CHST13: variants seen among roughly 807,000 people sequenced by gnomAD.
CHST13 encodes C4ST-3.
A neutral mutation model predicts 7.0 loss-of-function variants in CHST13; 1 was observed. That is an observed-to-expected ratio of 0.14 (90% confidence interval 0.05 to 0.68). The LOEUF (loss-of-function observed/expected upper bound fraction) is 0.68. Among genes scored for constraint, CHST13 ranks in the 30% least tolerant of loss-of-function variants. The pLI, the probability that CHST13 is intolerant of heterozygous loss-of-function variation, is 0.82. For synonymous variants in CHST13, 257 were observed against 240.9 expected (o/e 1.07, Z -0.62); for missense variants, 572 against 507.9 (o/e 1.13, Z -1.21).
At chr3:126,533,050 T>A (rs1246020297) in intron 1 of CHST13, among the ~76,000 whole-genome samples, 1 of 152,240 alleles carries the variant, frequency 6.6e-6, no homozygotes, top group African/African-American at 2.4e-5. Flanking sequence ...TGCTAGTATA[T>A]AGAATATAAT....
In CHST13 at chr3:126,542,204, G is replaced by C. The variant is rs1936976564; in HGVS notation, c.652G>C (p.Ala218Pro). Residue 218 changes from alanine to proline, a missense_variant, in exon 3 of 3, where the codon GCC (alanine) becomes CCC (proline). Coordinates refer to ENST00000319340, the MANE Select transcript of CHST13 (RefSeq NM_152889.3). ...GCCGCGCGCGCTCCCCGACGCCCGG[G>C]CCCGCGGCCACGACGTGCGCTTCGC... ...LRPRALPDAR[A>P]RGHDVRFAEF... The C allele has an allele frequency of 1.4e-6, 2 of 1,449,406 alleles. No homozygotes were observed. Among genetic ancestry groups the C allele is most frequent in the East Asian group, 2.9e-5 (1 of 34,080 alleles). 89.8% of individuals were successfully genotyped at this position (1,449,406 alleles called of 1,614,324 possible).
In CHST13 at chr3:126,536,307, G is replaced by A; in HGVS notation, c.134G>A (p.Gly45Asp). ...AGAGCCCTGGGCTCCAGCTGGCTTG[G>A]TGGGGAGAAGAGAAGCCCCCTGCAG... is the stretch of plus-strand genomic sequence containing the variant. ...GNRALGSSWL[G>D]GEKRSPLQKL... is the part of the protein sequence containing the mutation. The change falls in exon 2 of 3, where the codon GGT becomes GAT. Residue 45 changes from glycine (G) to aspartate (D), a missense_variant. Physicochemically the swap from Gly to Asp is moderately conservative, Grantham distance 94. Transcript: ENST00000319340. The A allele has an allele frequency of 1.2e-6, 2 of 1,614,086 alleles. No individual in the cohort carries two copies. Among genetic ancestry groups the A allele is most frequent in the South Asian group, 1.1e-5 (1 of 91,058 alleles).
chr3:126,536,048 C>A (rs968765362), intron 1 of CHST13, among the ~76,000 whole-genome samples: 2 of 152,162 alleles, frequency 1.3e-5, no homozygotes, highest in African/African-American at 4.8e-5. Context: ...GAGGGTAGGA[C>A]ATGGGAGCAG....
intron 1 of CHST13, among the ~76,000 whole-genome samples, chr3:126,532,293 A>T (rs1399168625): frequency 4.6e-5 from 7 of 152,212 alleles, no homozygotes; most frequent in East Asian, 3.8e-4. Flanking sequence ...TCTATTTTTT[A>T]AAATTTTGTT....
In CHST13 at chr3:126,524,269, G is replaced by A; in HGVS notation, c.-64G>A. The A allele has an allele frequency of 8.4e-7, 1 of 1,186,316 alleles. No individual in the cohort carries two copies. Among genetic ancestry groups the A allele is most frequent in the Non-Finnish European group, 1.0e-6 (1 of 952,400 alleles). The allele number at this position is 1,186,316 out of a possible 1,614,324, so 73.5% of individuals were successfully genotyped here. A position where few individuals can be genotyped will look rare whatever the true frequency, so the allele number is the denominator to read the frequency against. Reference sequence around the variant, plus strand: ...CTGCGCTGCCGGGGCCGGGTCCTGGGCCAGTGCAACTCCGCCCCCAGCCGT... The same window carrying A: ...CTGCGCTGCCGGGGCCGGGTCCTGGACCAGTGCAACTCCGCCCCCAGCCGT... On this transcript the variant is annotated 5_prime_UTR_variant, in exon 1 of 3. Transcript: ENST00000319340.
At position 126,524,239 on chromosome 3, in the gene CHST13, A is replaced by T. The variant is rs1004359845; in HGVS notation, c.-94A>T. 1.0e-6 allele frequency: 1 copy of T among 969,040 alleles called. No homozygotes were observed. Among genetic ancestry groups the T allele is most frequent in the Non-Finnish European group, 1.3e-6 (1 of 761,278 alleles). 60.0% of individuals were successfully genotyped at this position (969,040 alleles called of 1,614,324 possible). A position where few individuals can be genotyped will look rare whatever the true frequency, so the allele number is the denominator to read the frequency against. On this transcript the variant is annotated 5_prime_UTR_variant, in exon 1 of 3. Coordinates refer to ENST00000319340, the MANE Select transcript of CHST13 (RefSeq NM_152889.3). Reference sequence around the variant, plus strand: ...CCTGCGCCGCGCCGCGCGTCTTGGTAGGCGCTGCGCTGCCGGGGCCGGGTC... The same window carrying T: ...CCTGCGCCGCGCCGCGCGTCTTGGTTGGCGCTGCGCTGCCGGGGCCGGGTC...
At position 126,542,236 on chromosome 3, in the gene CHST13, C is replaced by G; in HGVS notation, c.684C>G (p.Phe228Leu). The stretch of plus-strand genomic sequence containing the variant: ...GCCACGACGTGCGCTTCGCGGAGTT[C>G]CTGGCCTACCTGCTGGACCCGCGCA... ...ARGHDVRFAEFLAYLLDPRTR... is the reference protein window; with the variant it reads ...ARGHDVRFAELLAYLLDPRTR... The change falls in exon 3 of 3, where the codon TTC becomes TTG. Residue 228 changes from phenylalanine to leucine, a missense_variant. By Grantham distance (22) the Phe-to-Leu change is conservative. Coordinates refer to ENST00000319340, the MANE Select transcript of CHST13 (RefSeq NM_152889.3). 1 of 1,524,204 alleles carries G rather than the reference C, an allele frequency of 6.6e-7. No homozygotes were observed. The allele number at this position is 1,524,204 out of a possible 1,614,324, so 94.4% of individuals were successfully genotyped here.
intron 1 of CHST13, chr3:126,527,696 G>A (rs975460659): frequency 4.6e-5 from 7 of 152,348 alleles, no homozygotes; most frequent in Non-Finnish European, 8.8e-5. Flanking sequence ...ATCCTCCTCT[G>A]GTGGGTGGGC....
At position 126,542,498 on chromosome 3, in the gene CHST13, C is replaced by A. The variant is rs1322678719; in HGVS notation, c.946C>A (p.Gln316Lys). 4 of 1,577,166 alleles carry A rather than the reference C, an allele frequency of 2.5e-6. No homozygotes were observed. The highest frequency in any genetic ancestry group is 2.4e-5 in the East Asian group (1 of 41,764). ...RLFRDISPFYQRRLFDLYKMD... is the reference protein window; with the variant it reads ...RLFRDISPFYKRRLFDLYKMD... The stretch of plus-strand genomic sequence containing the variant: ...CTTCCGGGACATCAGCCCCTTCTAC[C>A]AGCGGCGCCTCTTCGACCTCTACAA... The change falls in exon 3 of 3, where the codon CAG (glutamine) becomes AAG (lysine). Residue 316 changes from glutamine to lysine, a missense_variant. Physicochemically the swap from Gln to Lys is moderately conservative, Grantham distance 53. Coordinates refer to ENST00000319340, the MANE Select transcript of CHST13 (RefSeq NM_152889.3).
intron 1 of CHST13, chr3:126,529,476 T>C (rs1936605059): frequency 9.5e-7 from 1 of 1,049,472 alleles, no homozygotes. Context: ...TGGCCTGGGG[T>C]CAAATTCTGT....
At position 126,542,946 on chromosome 3, in the gene CHST13, A is replaced by C. The variant is rs1937003675; in HGVS notation, c.*368A>C. Reference sequence around the variant, plus strand: ...CCTGTTCATGGTGCATCAGAACATAATGCTGACACCGGTGTCAGTGTGGCC... The same window carrying C: ...CCTGTTCATGGTGCATCAGAACATACTGCTGACACCGGTGTCAGTGTGGCC... On this transcript the variant is annotated 3_prime_UTR_variant, in exon 3 of 3. Transcript: ENST00000319340. The C allele has an allele frequency of 1.2e-4, 19 of 162,256 alleles. No homozygotes were observed. Among genetic ancestry groups the C allele is most frequent in the Non-Finnish European group, 1.9e-4 (14 of 75,028 alleles). The allele number at this position is 162,256 out of a possible 1,614,324, so 10.1% of individuals were successfully genotyped here.
chr3:126,528,159 A>T (rs1032182872), intron 1 of CHST13, among the ~76,000 whole-genome samples: 2 of 151,574 alleles, frequency 1.3e-5, no homozygotes, highest in African/African-American at 4.9e-5. Flanking sequence ...TGGGTCCTTG[A>T]GAGAGAATGG....
In CHST13 at chr3:126,524,413, C is replaced by G. The variant is rs1425996764; in HGVS notation, c.81C>G (p.Pro27=). 1.7e-6 allele frequency: 2 copies of G among 1,179,500 alleles called. No homozygotes were observed. Among genetic ancestry groups the G allele is most frequent in the African/African-American group, 3.2e-5 (2 of 63,118 alleles). The allele number at this position is 1,179,500 out of a possible 1,614,324, so 73.1% of individuals were successfully genotyped here. A position where few individuals can be genotyped will look rare whatever the true frequency, so the allele number is the denominator to read the frequency against. Residue 27 remains proline, a synonymous_variant, in exon 1 of 3, where the codon CCC becomes CCG. Transcript: ENST00000319340. ...CGCTCCTGCTCCTATGCGCCGCGCC[C>G]CGCTCCCTGCGCCCGGGTGAGTGCC... ...GAALLLLCAA[P]RSLRPAFGNR...
chr3:126,529,349 G>A, intron 1 of CHST13: 1 of 1,289,338 alleles, frequency 7.8e-7, no homozygotes, highest in Non-Finnish European at 1.0e-6. Context: ...TTCCTCATGG[G>A]TCAGTGAAAT....
chr3:126,529,747 C>T (rs906834381), intron 1 of CHST13, among the ~76,000 whole-genome samples: 6 of 152,180 alleles, frequency 3.9e-5, no homozygotes, highest in African/African-American at 1.4e-4. Context: ...GCACTCCTCC[C>T]ATCCCTCCTC....
chr3:126,528,670 C>T (rs559469310), intron 1 of CHST13, among the ~76,000 whole-genome samples: 2 of 152,262 alleles, frequency 1.3e-5, no homozygotes, highest in South Asian at 2.1e-4. Flanking sequence ...TCTGGAGGCA[C>T]AGCCGACAGG....
chr3:126,541,959 G>T lies in CHST13; in HGVS notation c.407G>T (p.Arg136Leu). The change falls in exon 3 of 3, where the codon CGC (arginine) becomes CTC (leucine). Residue 136 changes from arginine to leucine, a missense_variant. Transcript: ENST00000319340. ...AGCGGCCAAGCCCGCGGCGACCCGC[G>T]CGCCATCTCCGCGCAAGAGGCGCAC... ...ALSGQARGDP[R>L]AISAQEAHAP... 1 of 1,585,278 alleles carries T rather than the reference G, an allele frequency of 6.3e-7. No individual in the cohort carries two copies. Among genetic ancestry groups the T allele is most frequent in the African/African-American group, 1.4e-5 (1 of 72,510 alleles).
chr3:126,539,537 C>CAG (rs1936879606), intron 2 of CHST13, among the ~76,000 whole-genome samples: 1 of 144,126 alleles, frequency 6.9e-6, no homozygotes, highest in African/African-American at 2.6e-5. Flanking sequence ...CATGCACACA[C>CAG]CACACACACC....
rs533127456 is a variant in CHST13 at position 126,542,699 on chromosome 3, C to T, written c.*121C>T. 7.3e-4 allele frequency: 972 copies of T among 1,326,396 alleles called. No homozygotes were observed. Among genetic ancestry groups the T allele is most frequent in the Non-Finnish European group, 8.8e-4 (912 of 1,035,110 alleles). 82.2% of individuals were successfully genotyped at this position (1,326,396 alleles called of 1,614,324 possible). ...GAGCCACTGCGTGCACTCACCTGGC[C>T]GCCGGGCCAGCGGGCGCAGGGCACA... On this transcript the variant is annotated 3_prime_UTR_variant, in exon 3 of 3. Coordinates refer to ENST00000319340, the MANE Select transcript of CHST13 (RefSeq NM_152889.3).
Sources: allele counts gnomAD v4.1 joint callset (sites outside exome capture counted in the v4.1 genomes callset), GRCh38; gene constraint gnomAD v4.1.1; transcripts MANE v1.5; gene names NCBI Gene and HGNC (gene_info 2026-07-23, HGNC 2026-07-21).